SWT1: variants seen among roughly 807,000 people sequenced by gnomAD.
SWT1 encodes SWT1 RNA endoribonuclease homolog, also known as transcriptional protein SWT1.
A neutral mutation model predicts 107.3 loss-of-function variants in SWT1; 33 were observed. The ratio of observed to expected loss-of-function variants is 0.31; its 90% CI spans 0.23 to 0.41. SWT1 has a LOEUF of 0.41. Ranked by LOEUF, SWT1 falls within the 10% of genes least tolerant of loss-of-function variation. The pLI, the probability that SWT1 is intolerant of heterozygous loss-of-function variation, is 1.00. For missense variants in SWT1, 898 were observed against 1,028.9 expected (o/e 0.87, Z 1.74); for synonymous variants, 345 against 348.3 (o/e 0.99, Z 0.11).
At chr1:185,204,959 A>T in intron 12 of SWT1, 96 bp downstream of exon 12, 1 of 653,710 alleles carries the variant, frequency 1.5e-6, no homozygotes, top group Admixed American at 4.0e-5. Flanking sequence ...CATACGCTTC[A>T]TTGAATAATC....
intron 18 of SWT1, among the ~76,000 whole-genome samples, chr1:185,288,450 T>G (rs537876121): frequency 6.6e-6 from 1 of 152,104 alleles, no homozygotes; most frequent in Non-Finnish European, 1.5e-5. Flanking sequence ...ACATTTACTT[T>G]ATTATTATTT....
chr1:185,185,113 C>G (rs1176891735), intron 9 of SWT1, among the ~76,000 whole-genome samples, 182 bp downstream of exon 9: 2 of 152,148 alleles, frequency 1.3e-5, no homozygotes, highest in African/African-American at 4.8e-5. Flanking sequence ...TTCTGCTTCT[C>G]CTAGACGTTT....
chr1:185,281,006 T>A (rs970600968), intron 18 of SWT1: 1 of 354,608 alleles, frequency 2.8e-6, no homozygotes, highest in African/African-American at 2.1e-5. Context: ...GAGTTTTCAG[T>A]CCCTTTTTAT....
At chr1:185,172,787 A>G (rs554790562) in intron 4 of SWT1, among the ~76,000 whole-genome samples, 6 of 152,228 alleles carry the variant, frequency 3.9e-5, no homozygotes, top group Admixed American at 2.6e-4. Context: ...GGTGGCTCAC[A>G]CCTGTAATCC....
chr1:185,206,840 ATAAAT>A lies in SWT1; in HGVS notation c.1972+81_1972+85del, dbSNP rs544567249. The A allele has an allele frequency of 7.7e-5, 82 of 1,061,458 alleles. No individual in the cohort carries two copies. The East Asian group carries it at 1.9e-3, about 24-fold the overall frequency. 65.8% of individuals were successfully genotyped at this position (1,061,458 alleles called of 1,614,324 possible). The stretch of plus-strand genomic sequence containing the variant: ...CAGATATATTTCCTGGGATGTGAAG[ATAAAT>A]TAATGAAGAATTTGTTAATTAGTTC... On this transcript the variant is annotated intron_variant, in intron 13 of 18. Transcript: ENST00000367500.
intron 10 of SWT1, among the ~76,000 whole-genome samples, chr1:185,200,664 C>T (rs754449616): frequency 8.5e-5 from 13 of 152,166 alleles, no homozygotes; most frequent in Non-Finnish European, 1.6e-4. Context: ...AGCCGGAGCT[C>T]TTCTGTATGA....
At chr1:185,227,286 T>A in intron 15 of SWT1, 1 of 749,400 alleles carries the variant, frequency 1.3e-6, no homozygotes, top group East Asian at 2.5e-5. Context: ...GGCACCTGGC[T>A]GACCATCGGT....
At chr1:185,287,349 T>C (rs941935453) in intron 18 of SWT1, among the ~76,000 whole-genome samples, 1 of 152,192 alleles carries the variant, frequency 6.6e-6, no homozygotes, top group Non-Finnish European at 1.5e-5. Context: ...TTGCAGAATC[T>C]CATGAATCGC....
intron 7 of SWT1, 120 bp downstream of exon 7, chr1:185,182,177 G>T: frequency 1.0e-6 from 1 of 999,692 alleles, no homozygotes; most frequent in East Asian, 2.7e-5. Flanking sequence ...TGAAATGAAT[G>T]ATAAAGTAAT....
chr1:185,180,470 A>G lies in SWT1; in HGVS notation c.1026+20A>G. The G allele has an allele frequency of 6.3e-7, 1 of 1,576,996 alleles. No homozygotes were observed. Among genetic ancestry groups the G allele is most frequent in the Middle Eastern group, 1.7e-4 (1 of 5,752 alleles). On this transcript the variant is annotated intron_variant, in intron 6 of 18. Transcript: ENST00000367500. ...CAAGAGGTTATTGATATTCTTGTTT[A>G]CTTTGATATTTTTAATGAAATTAAG... is the stretch of plus-strand genomic sequence containing the variant.
At chr1:185,277,599 T>G (rs1420935974) in intron 18 of SWT1, among the ~76,000 whole-genome samples, 1 of 152,120 alleles carries the variant, frequency 6.6e-6, no homozygotes, top group Non-Finnish European at 1.5e-5. Flanking sequence ...CACATCTTAG[T>G]CTTATTATGG....
At chr1:185,257,965 G>A (rs1662736394) in intron 16 of SWT1, 1 of 152,056 alleles carries the variant, frequency 6.6e-6, no homozygotes, top group South Asian at 2.1e-4. Context: ...GAAATCTGTT[G>A]TAACTGGTTG....
At chr1:185,266,025 C>T (rs1269594734) in intron 16 of SWT1, among the ~76,000 whole-genome samples, 1 of 151,924 alleles carries the variant, frequency 6.6e-6, no homozygotes, top group Non-Finnish European at 1.5e-5. Context: ...TATAAATATC[C>T]AAGAACATAT....
chr1:185,215,060 G>C (rs1659109602), intron 14 of SWT1, among the ~76,000 whole-genome samples: 1 of 152,138 alleles, frequency 6.6e-6, no homozygotes, highest in Non-Finnish European at 1.5e-5. Context: ...GTGTTACTTG[G>C]TAATGTTGTT....
At chr1:185,255,263 TG>T (rs1175716814) in intron 16 of SWT1, among the ~76,000 whole-genome samples, 6 of 150,848 alleles carry the variant, frequency 4.0e-5, no homozygotes, top group African/African-American at 1.5e-4. Flanking sequence ...TCTGTTGATT[TG>T]GGGTGGAGAG....
chr1:185,180,499 G>C (rs1655932130), intron 6 of SWT1, 49 bp downstream of exon 6: 1 of 1,335,032 alleles, frequency 7.5e-7, no homozygotes, highest in Admixed American at 1.7e-5. Flanking sequence ...AATTAAGTCA[G>C]TTCCTACTTT....
At chr1:185,287,801 C>G (rs1665031838) in intron 18 of SWT1, among the ~76,000 whole-genome samples, 1 of 152,194 alleles carries the variant, frequency 6.6e-6, no homozygotes, top group African/African-American at 2.4e-5. Context: ...CAATACTTTT[C>G]TCAGCCAGTG....
chr1:185,173,530 C>CAAAAAAA (rs869052260), intron 4 of SWT1, among the ~76,000 whole-genome samples: 1 of 96,574 alleles, frequency 1.0e-5, no homozygotes, highest in African/African-American at 3.8e-5. Flanking sequence ...CTGTCTCTAC[C>CAAAAAAA]AAAAAAAAAA....
chr1:185,261,267 T>C (rs1319024005), intron 16 of SWT1, among the ~76,000 whole-genome samples: 2 of 152,208 alleles, frequency 1.3e-5, no homozygotes, highest in Non-Finnish European at 2.9e-5. Context: ...ATTTGTCCTT[T>C]TGTGACTGGC....
Sources: allele counts gnomAD v4.1 joint callset (sites outside exome capture counted in the v4.1 genomes callset), GRCh38; gene constraint gnomAD v4.1.1; transcripts MANE v1.5; gene names NCBI Gene and HGNC (gene_info 2026-07-23, HGNC 2026-07-21).